The following ALCAM variants were observed in gnomAD, a reference collection of about 807,000 sequenced individuals.
The protein encoded by ALCAM is activated leukocyte cell adhesion molecule, also known as CD166 antigen.
Under a neutral mutation model 70.9 loss-of-function variants are expected in ALCAM, and 30 were observed. That is an observed-to-expected ratio of 0.42 (90% confidence interval 0.32 to 0.57). The LOEUF (loss-of-function observed/expected upper bound fraction) is 0.57. ALCAM is among the 20% of genes least tolerant of loss of function. The probability of loss-of-function intolerance (pLI) is 0.11; values close to 1 mark genes in which losing one functional copy is unlikely to be tolerated. For missense variants in ALCAM, 591 were observed against 695.1 expected (o/e 0.85, Z 1.68); for synonymous variants, 249 against 242.5 (o/e 1.03, Z -0.25).
At chr3:105,480,380 A>AATAAATAT (rs1444608820) in intron 1 of ALCAM, among the ~76,000 whole-genome samples, 1 of 151,874 alleles carries the variant, frequency 6.6e-6, no homozygotes, top group Non-Finnish European at 1.5e-5. Flanking sequence ...TAAATAAATA[A>AATAAATAT]ATAAATAAAT....
At chr3:105,421,765 G>A (rs763026979) in intron 1 of ALCAM, among the ~76,000 whole-genome samples, 2 of 151,310 alleles carry the variant, frequency 1.3e-5, no homozygotes, top group Non-Finnish European at 3.0e-5. Context: ...AAAACATTTT[G>A]TTCCACTTCT....
intron 1 of ALCAM, among the ~76,000 whole-genome samples, chr3:105,499,426 G>A (rs1208636196): frequency 6.6e-6 from 1 of 152,124 alleles, no homozygotes; most frequent in Non-Finnish European, 1.5e-5. Flanking sequence ...AATAGGCCTA[G>A]TAATAAAGTT....
chr3:105,367,064 C>A lies in ALCAM; in HGVS notation c.-345C>A. ...TGCCATTATTATTATCATTCCAATA[C>A]AAGGAAAATAAAAGAAGATACCAGC... is the stretch of plus-strand genomic sequence containing the variant. On this transcript the variant is annotated 5_prime_UTR_variant, in exon 1 of 16. Transcript: ENST00000306107. 1 of 216,842 alleles carries A rather than the reference C, an allele frequency of 4.6e-6. No individual in the cohort carries two copies. Among genetic ancestry groups the A allele is most frequent in the Admixed American group, 5.5e-5 (1 of 18,042 alleles). The allele number at this position is 216,842 out of a possible 1,614,324, so 13.4% of individuals were successfully genotyped here.
chr3:105,538,740 T>C (rs1940038592), intron 6 of ALCAM, among the ~76,000 whole-genome samples: 1 of 152,134 alleles, frequency 6.6e-6, no homozygotes, highest in African/African-American at 2.4e-5. Context: ...AACCAGATTT[T>C]ATTTACTTTT....
chr3:105,533,603 T>A lies in ALCAM; in HGVS notation c.460T>A (p.Leu154Met). 6.2e-7 allele frequency: 1 copy of A among 1,610,608 alleles called. No homozygotes were observed. The highest frequency in any genetic ancestry group is 8.5e-7 in the Non-Finnish European group (1 of 1,177,614). Residue 154 changes from leucine to methionine, a missense_variant and splice_region_variant, in exon 5 of 16, where the codon TTG (leucine) becomes ATG (methionine). Physicochemically the swap from Leu to Met is conservative, Grantham distance 15. Transcript: ENST00000306107. ...ATAACATTGCCTTTTTATTTTGCAG[T>A]TGGGTGACTGCATTTCAGAAGACAG... Reference protein sequence around the residue: ...LFLETEQLKKLGDCISEDSYP... With the variant: ...LFLETEQLKKMGDCISEDSYP...
chr3:105,511,575 G>A (rs1444390788), intron 1 of ALCAM, among the ~76,000 whole-genome samples: 1 of 151,948 alleles, frequency 6.6e-6, no homozygotes, highest in African/African-American at 2.4e-5. Flanking sequence ...TCAATTAAAA[G>A]CATGGAATTT....
intron 14 of ALCAM, among the ~76,000 whole-genome samples, chr3:105,559,541 A>T (rs768154333): frequency 1.3e-5 from 2 of 151,954 alleles, no homozygotes; most frequent in African/African-American, 2.4e-5. Flanking sequence ...AGTCCCTTTT[A>T]GGAGGGCACT....
At chr3:105,423,101 G>C (rs1024126277) in intron 1 of ALCAM, among the ~76,000 whole-genome samples, 3 of 151,394 alleles carry the variant, frequency 2.0e-5, no homozygotes, top group African/African-American at 4.8e-5. Context: ...TTTTATAAGA[G>C]ATGCATTCCT....
intron 1 of ALCAM, among the ~76,000 whole-genome samples, chr3:105,454,726 T>C (rs560621227): frequency 2.1e-4 from 27 of 127,192 alleles, no homozygotes; most frequent in Middle Eastern, 4.5e-3. Flanking sequence ...TGGAGTGCAG[T>C]GGCGCGATCT....
intron 1 of ALCAM, among the ~76,000 whole-genome samples, chr3:105,469,694 G>A (rs1257050451): frequency 6.7e-6 from 1 of 150,262 alleles, no homozygotes; most frequent in Non-Finnish European, 1.5e-5. Flanking sequence ...TAGGGAAGTT[G>A]GTCTATTTGG....
chr3:105,397,479 A>G (rs1935984369), intron 1 of ALCAM, among the ~76,000 whole-genome samples: 1 of 151,938 alleles, frequency 6.6e-6, no homozygotes, highest in African/African-American at 2.4e-5. Flanking sequence ...TACCAAGTAT[A>G]GAGATAATAG....
chr3:105,410,112 G>A (rs200388607), intron 1 of ALCAM, among the ~76,000 whole-genome samples: 2 of 152,052 alleles, frequency 1.3e-5, no homozygotes, highest in South Asian at 2.1e-4. Flanking sequence ...AGTACCAACC[G>A]GAACTTGAAT....
intron 3 of ALCAM, among the ~76,000 whole-genome samples, chr3:105,527,525 G>A (rs1939735360): frequency 1.3e-5 from 2 of 151,856 alleles, no homozygotes; most frequent in Non-Finnish European, 2.9e-5. Context: ...AAGGTAAGGA[G>A]CTATTTCTAC....
At chr3:105,476,281 G>T (rs1479308523) in intron 1 of ALCAM, among the ~76,000 whole-genome samples, 2 of 152,020 alleles carry the variant, frequency 1.3e-5, no homozygotes, top group African/African-American at 4.8e-5. Flanking sequence ...TCCGGCATAT[G>T]TTTCTGTACC....
chr3:105,394,609 A>G (rs1176998754), intron 1 of ALCAM, among the ~76,000 whole-genome samples: 6 of 152,006 alleles, frequency 3.9e-5, no homozygotes, highest in African/African-American at 1.4e-4. Context: ...TATTTTTGGG[A>G]AAACACAGGA....
chr3:105,415,928 A>T (rs1936496371), intron 1 of ALCAM, among the ~76,000 whole-genome samples: 1 of 152,040 alleles, frequency 6.6e-6, no homozygotes, highest in African/African-American at 2.4e-5. Context: ...TTGGCTTTTC[A>T]AATTGACATT....
At chr3:105,374,523 T>G (rs1222476132) in intron 1 of ALCAM, among the ~76,000 whole-genome samples, 5 of 151,954 alleles carry the variant, frequency 3.3e-5, no homozygotes, top group Admixed American at 3.3e-4. Context: ...TTTGTTTTTG[T>G]TTTTGTTTTT....
At chr3:105,409,593 A>G (rs902618732) in intron 1 of ALCAM, among the ~76,000 whole-genome samples, 1 of 152,086 alleles carries the variant, frequency 6.6e-6, no homozygotes, top group Non-Finnish European at 1.5e-5. Context: ...AGGATGACAC[A>G]TTAGGTACAG....
chr3:105,440,223 G>A (rs1937142027), intron 1 of ALCAM, among the ~76,000 whole-genome samples: 1 of 152,164 alleles, frequency 6.6e-6, no homozygotes, highest in Admixed American at 6.5e-5. Context: ...TAGCATCTAA[G>A]TCAAATGAGG....
Sources: gnomAD v4.1 joint callset for allele counts (sites outside exome capture counted in the v4.1 genomes callset) on GRCh38, gnomAD v4.1.1 for gene constraint, MANE v1.5 for transcripts, NCBI Gene and HGNC (gene_info 2026-07-23, HGNC 2026-07-21) for gene names.